ZNF626: variants seen among roughly 807,000 people sequenced by gnomAD.
The protein encoded by ZNF626 is zinc finger protein 626.
A neutral mutation model predicts 11.7 loss-of-function variants in ZNF626; 4 were observed. The observed-to-expected ratio is 0.34, with a 90% CI of 0.17 to 0.78. The LOEUF (loss-of-function observed/expected upper bound fraction) is 0.78, where lower values mean the gene tolerates loss of function less well. ZNF626 is among the 30% of genes least tolerant of loss of function. The pLI, the probability that ZNF626 is intolerant of heterozygous loss-of-function variation, is 0.57. For synonymous variants in ZNF626, 179 were observed against 198.6 expected (o/e 0.90, Z 0.83); for missense variants, 588 against 587.1 (o/e 1.00, Z -0.01).
chr19:20,651,603 T>A (rs1443152662), intron 1 of ZNF626, among the ~76,000 whole-genome samples: 2 of 152,150 alleles, frequency 1.3e-5, no homozygotes, highest in African/African-American at 4.8e-5. Context: ...AGAAGCAGAA[T>A]TAACCACTCT....
In ZNF626 at chr19:20,652,250, T is replaced by TC. The variant is rs756669852; in HGVS notation, c.4-5846dup. Reference sequence around the variant, plus strand: ...AAGTGGAGTACAAACGAAGGAGAGATCCCCCCCATAGAGGCTGCTCTAGCA... The same window carrying TC: ...AAGTGGAGTACAAACGAAGGAGAGATCCCCCCCCATAGAGGCTGCTCTAGCA... On this transcript the variant is annotated intron_variant, in intron 1 of 3. Coordinates refer to ENST00000601440, the MANE Select transcript of ZNF626 (RefSeq NM_001076675.3). Among the ~76,000 whole-genome samples, 26 of 139,810 alleles carry TC rather than the reference T, an allele frequency of 1.9e-4. No homozygotes were observed. In the South Asian group the frequency reaches 5.6e-3, roughly 30 times the overall value. The allele number at this position is 139,810 out of a possible 152,430, so 91.7% of individuals were successfully genotyped here.
At chr19:20,648,567 G>C (rs1255544648) in intron 1 of ZNF626, among the ~76,000 whole-genome samples, 1 of 152,098 alleles carries the variant, frequency 6.6e-6, no homozygotes, top group Non-Finnish European at 1.5e-5. Flanking sequence ...AGTAGAGACA[G>C]AGTTTCACCA....
At position 20,623,272 on chromosome 19, in the gene ZNF626, A is replaced by C. The variant is rs544580925; in HGVS notation, c.*1018T>G. 6.6e-6 allele frequency: 1 copy of C among 152,328 alleles called. No homozygotes were observed. Among genetic ancestry groups the C allele is most frequent in the East Asian group, 1.9e-4 (1 of 5,186 alleles). 9.4% of individuals were successfully genotyped at this position (152,328 alleles called of 1,614,324 possible). On this transcript the variant is annotated 3_prime_UTR_variant, in exon 4 of 4. Coordinates refer to ENST00000601440, the MANE Select transcript of ZNF626 (RefSeq NM_001076675.3). ...GCAAAATAAGATGTACACATTGATT[A>C]AAGGTTTTGCCACATTCTTCATGCT...
In ZNF626 at chr19:20,641,888, G is replaced by A. The variant is rs530386802; in HGVS notation, c.226+3796C>T. On this transcript the variant is annotated intron_variant, in intron 3 of 3. Coordinates refer to ENST00000601440, the MANE Select transcript of ZNF626 (RefSeq NM_001076675.3). ...ATATACACTTCAATAAATTTAAGATGGTAAATGTTATGTTACGTGTTTTTA... is the reference window on the plus strand; with the variant it reads ...ATATACACTTCAATAAATTTAAGATAGTAAATGTTATGTTACGTGTTTTTA... Among the ~76,000 whole-genome samples the A allele has an allele frequency of 1.6e-4, 24 of 149,832 alleles. No individual in the cohort carries two copies. The South Asian group carries it at 5.1e-3, about 32-fold the overall frequency.
chr19:20,661,282 C>A (rs1279771971), intron 1 of ZNF626, among the ~76,000 whole-genome samples, 162 bp downstream of exon 1: 1 of 152,228 alleles, frequency 6.6e-6, no homozygotes, highest in Non-Finnish European at 1.5e-5. Context: ...AGCGCAGCTG[C>A]CATTTTATGG....
chr19:20,625,162 T>C lies in ZNF626; in HGVS notation c.715A>G (p.Lys239Glu), dbSNP rs1555769393. The change falls in exon 4 of 4, where the codon AAG (lysine) becomes GAG (glutamate). Residue 239 changes from lysine (K) to glutamate (E), a missense_variant. Lys to Glu is a moderately conservative substitution (Grantham distance 56). Around this residue, in one of 4 missense-constraint regions of ZNF626, gnomAD observed 524 missense variants for 470.1 expected, o/e 1.11. Transcript: ENST00000601440. Reference protein sequence around the residue: ...YKCEECGKAFKHSSTLTTHKR... With the variant: ...YKCEECGKAFEHSSTLTTHKR... ...TGTGTAGTAAGAGTGGAGGAGTGCTTAAAGGCTTTGCCACATTCTTCACAT... is the reference window on the plus strand; with the variant it reads ...TGTGTAGTAAGAGTGGAGGAGTGCTCAAAGGCTTTGCCACATTCTTCACAT... The C allele has an allele frequency of 8.7e-6, 14 of 1,613,162 alleles. No homozygotes were observed. Among genetic ancestry groups the C allele is most frequent in the African/African-American group, 1.3e-5 (1 of 74,908 alleles).
chr19:20,626,313 T>A (rs1041270847), intron 3 of ZNF626, among the ~76,000 whole-genome samples: 1 of 152,034 alleles, frequency 6.6e-6, no homozygotes, highest in Non-Finnish European at 1.5e-5. Context: ...AATGTAAAAA[T>A]CTCAAAGATT....
rs181825616 is a variant in ZNF626 at position 20,625,038 on chromosome 19, G to C, written c.839C>G (p.Thr280Arg). 3 of 1,613,754 alleles carry C rather than the reference G, an allele frequency of 1.9e-6. No homozygotes were observed. The South Asian group carries it at 3.3e-5, about 18-fold the overall frequency. ...STLSKHEIIH[T>R]EKKPYKCEEC... Reference sequence around the variant, plus strand: ...TTCACATTTGTAGGGTTTCTTTTCCGTATGAATTATCTCATGTTTACTAAG... The same window carrying C: ...TTCACATTTGTAGGGTTTCTTTTCCCTATGAATTATCTCATGTTTACTAAG... The change falls in exon 4 of 4, where the codon ACG becomes AGG. Residue 280 changes from threonine (T) to arginine (R), a missense_variant. Thr to Arg is a moderately conservative substitution (Grantham distance 71). Around this residue, in one of 4 missense-constraint regions of ZNF626, gnomAD observed 524 missense variants for 470.1 expected, o/e 1.11. Coordinates refer to ENST00000601440, the MANE Select transcript of ZNF626 (RefSeq NM_001076675.3).
intron 3 of ZNF626, chr19:20,645,276 C>T: frequency 1.3e-6 from 2 of 1,484,838 alleles, no homozygotes; most frequent in South Asian, 1.5e-5. Flanking sequence ...GAAACTATTA[C>T]TCTCAGACAT....
Position 20,661,467 on chromosome 19 carries a change from C to G in ZNF626, c.-21G>C. ...ACCATTTTTGGCTTCCAGGAGGTCC[C>G]GGTGTCTTAGCTGTGGATCTCCCAA... is the stretch of plus-strand genomic sequence containing the variant. On this transcript the variant is annotated 5_prime_UTR_variant, in exon 1 of 4. Coordinates refer to ENST00000601440, the MANE Select transcript of ZNF626 (RefSeq NM_001076675.3). The G allele has an allele frequency of 6.2e-7, 1 of 1,613,496 alleles. No homozygotes were observed. The highest frequency in any genetic ancestry group is 1.1e-5 in the South Asian group (1 of 91,004).
At position 20,661,565 on chromosome 19, in the gene ZNF626, G is replaced by C; in HGVS notation, c.-119C>G. The C allele has an allele frequency of 2.5e-6, 3 of 1,198,158 alleles. No individual in the cohort carries two copies. The highest frequency in any genetic ancestry group is 2.4e-6 in the Non-Finnish European group (2 of 834,482). The allele number at this position is 1,198,158 out of a possible 1,614,324, so 74.2% of individuals were successfully genotyped here. ...CCAGACCTGGAGCTCTGACTGCAGC[G>C]AGAGACAAAGGCCGCACCAAACCCG... On this transcript the variant is annotated 5_prime_UTR_variant, in exon 1 of 4. Transcript: ENST00000601440.
chr19:20,643,442 T>A (rs1382456808), intron 3 of ZNF626, among the ~76,000 whole-genome samples: 1 of 152,108 alleles, frequency 6.6e-6, no homozygotes, highest in Non-Finnish European at 1.5e-5. Context: ...AACTAGTAAC[T>A]ATGTTTATAT....
At chr19:20,645,921 A>T in intron 2 of ZNF626, 142 bp from the exon 3 acceptor site, 1 of 645,808 alleles carries the variant, frequency 1.5e-6, no homozygotes, top group Non-Finnish European at 2.3e-6. Flanking sequence ...ATTTTTAAAT[A>T]ATTAGAAAAT....
Position 20,630,625 on chromosome 19 carries a change from A to G in ZNF626, c.227-4975T>C, listed in dbSNP as rs541578563. Among the ~76,000 whole-genome samples the G allele has an allele frequency of 2.7e-5, 4 of 149,684 alleles. No homozygotes were observed. In the East Asian group the frequency reaches 7.7e-4, roughly 29 times the overall value. On this transcript the variant is annotated intron_variant, in intron 3 of 3. Transcript: ENST00000601440. ...GTATTTCTGTGGGATCGGTGGTGAT[A>G]TCCCCTTTATCATTTTTTATTGTGT...
chr19:20,635,888 T>A (rs1448398790), intron 3 of ZNF626, among the ~76,000 whole-genome samples: 2 of 152,014 alleles, frequency 1.3e-5, no homozygotes, highest in Non-Finnish European at 2.9e-5. Flanking sequence ...ATCCCAGCAC[T>A]TTGGGAGGCC....
At chr19:20,645,462 A>G in intron 3 of ZNF626, 5 of 1,610,952 alleles carry the variant, frequency 3.1e-6, no homozygotes, top group Non-Finnish European at 4.2e-6. Context: ...AAAGAAAAGG[A>G]AAATCCTTAG....
intron 3 of ZNF626, among the ~76,000 whole-genome samples, chr19:20,629,755 T>A (rs1183476303): frequency 6.6e-6 from 1 of 152,182 alleles, no homozygotes; most frequent in Non-Finnish European, 1.5e-5. Flanking sequence ...CTTTTCCTAA[T>A]TGAATACACT....
intron 3 of ZNF626, among the ~76,000 whole-genome samples, chr19:20,633,083 G>T (rs1599476203): frequency 6.6e-6 from 1 of 152,264 alleles, no homozygotes; most frequent in African/African-American, 2.4e-5. Flanking sequence ...ATCAGCAGCG[G>T]TGGCTGCAGA....
intron 3 of ZNF626, chr19:20,644,764 T>C (rs1296625326): frequency 6.6e-6 from 1 of 152,162 alleles, no homozygotes; most frequent in Admixed American, 6.5e-5. Context: ...TCTAAACTAA[T>C]AAATACACTC....
Sources: allele counts gnomAD v4.1 joint callset (sites outside exome capture counted in the v4.1 genomes callset), GRCh38; gene constraint gnomAD v4.1.1; regional missense constraint gnomAD v4.1.1; transcripts MANE v1.5; gene names NCBI Gene and HGNC (gene_info 2026-07-23, HGNC 2026-07-21).